AFF1: variants seen among roughly 807,000 people sequenced by gnomAD.
AFF1 encodes the protein ALF transcription elongation factor 1, also known as AF4/FMR2 family member 1.
Under a neutral mutation model 121.7 loss-of-function variants are expected in AFF1, and 48 were observed. That is an observed-to-expected ratio of 0.39 (90% CI 0.31 to 0.50). AFF1 has a LOEUF of 0.50. AFF1 is among the 20% of genes least tolerant of loss of function. The pLI is 0.76. For missense variants in AFF1, 1,523 were observed against 1,511.7 expected, an observed-to-expected ratio of 1.01 and a Z score of -0.12; for synonymous variants, 613 against 563.0, an observed-to-expected ratio of 1.09 and a Z score of -1.26.
intron 12 of AFF1, among the ~76,000 whole-genome samples, chr4:87,116,831 G>GGTGTGT (rs70957208): frequency 6.6e-6 from 1 of 151,064 alleles, no homozygotes; most frequent in African/African-American, 2.4e-5. Context: ...GATGGGGTGG[G>GGTGTGT]GTGTGTGTGT....
chr4:87,078,180 T>C (rs1169460959), intron 4 of AFF1, among the ~76,000 whole-genome samples: 1 of 152,232 alleles, frequency 6.6e-6, no homozygotes, highest in African/African-American at 2.4e-5. Flanking sequence ...AAGTAGTTTC[T>C]CAGTAGTTGT....
intron 4 of AFF1, among the ~76,000 whole-genome samples, chr4:87,071,825 A>T (rs1393164354): frequency 6.6e-6 from 1 of 152,152 alleles, no homozygotes; most frequent in Non-Finnish European, 1.5e-5. Context: ...AAAAGTATGG[A>T]GGGAAAGGGA....
intron 1 of AFF1, among the ~76,000 whole-genome samples, chr4:86,938,926 A>G (rs1209250508): frequency 6.6e-6 from 1 of 152,276 alleles, no homozygotes; most frequent in Non-Finnish European, 1.5e-5. Context: ...CATTTTAAAC[A>G]TGACTAAGGA....
chr4:87,115,226 C>T lies in AFF1; in HGVS notation c.2393C>T (p.Pro798Leu), dbSNP rs142319329. The T allele has an allele frequency of 5.0e-4, 815 of 1,614,138 alleles. 2 individuals carry two copies. The highest frequency in any genetic ancestry group is 3.3e-3 in the Middle Eastern group (20 of 6,062). Residue 798 changes from proline to leucine, a missense_variant, in exon 12 of 21, where the codon CCG becomes CTG. Physicochemically the swap from Pro to Leu is moderately conservative, Grantham distance 98. Coordinates refer to ENST00000395146, the MANE Select transcript of AFF1 (RefSeq NM_001166693.3). ...SRQRKAEDKQ[P>L]PAGKKHSSEK... ...CAGAGGAAAGCAGAAGATAAACAGC[C>T]GCCCGCAGGGAAGAAGCACAGCTCT...
At position 86,995,548 on chromosome 4, in the gene AFF1, G is replaced by A. The variant is rs1362589767; in HGVS notation, c.38+46977G>A. Among the ~76,000 whole-genome samples the A allele has an allele frequency of 9.3e-5, 14 of 150,334 alleles. No homozygotes were observed. In the South Asian group the frequency reaches 1.1e-3, roughly 11 times the overall value. On this transcript the variant is annotated intron_variant, in intron 2 of 20. Coordinates refer to ENST00000395146, the MANE Select transcript of AFF1 (RefSeq NM_001166693.3). ...GGGCTGGTCTCCAGCTCCTAACCTC[G>A]AGTGATCCGCCAGCCTCGGCCTCCC...
At chr4:87,077,174 T>G (rs1722750347) in intron 4 of AFF1, among the ~76,000 whole-genome samples, 1 of 152,220 alleles carries the variant, frequency 6.6e-6, no homozygotes, top group Non-Finnish European at 1.5e-5. Context: ...TTCAATAACT[T>G]TCTAGTCTAG....
chr4:87,039,247 A>T (rs1347754925), intron 2 of AFF1, among the ~76,000 whole-genome samples: 1 of 152,172 alleles, frequency 6.6e-6, no homozygotes, highest in African/African-American at 2.4e-5. Context: ...CAGAGTTGTG[A>T]TTTCTTACAT....
At chr4:87,039,957 A>G (rs1729956761) in intron 2 of AFF1, among the ~76,000 whole-genome samples, 1 of 152,118 alleles carries the variant, frequency 6.6e-6, no homozygotes, top group African/African-American at 2.4e-5. Flanking sequence ...GTTGAAGTGC[A>G]GTGGCGCGAT....
intron 2 of AFF1, among the ~76,000 whole-genome samples, chr4:86,954,803 T>A (rs72667736): frequency 0.15 from 22,220 of 152,194 alleles, 2,096 homozygotes; most frequent in East Asian, 0.31. Context: ...TTCATTCTCA[T>A]CCTCTTTATG....
At chr4:87,031,454 T>C (rs1405031966) in intron 2 of AFF1, among the ~76,000 whole-genome samples, 2 of 151,220 alleles carry the variant, frequency 1.3e-5, no homozygotes, top group African/African-American at 4.9e-5. Flanking sequence ...TTTTTTTTTC[T>C]TTTGTTCCTC....
intron 1 of AFF1, among the ~76,000 whole-genome samples, chr4:86,937,859 GCCT>G (rs1339369383): frequency 2.0e-5 from 3 of 152,216 alleles, no homozygotes; most frequent in South Asian, 4.1e-4. Context: ...TCCCACTTTT[GCCT>G]CCTCAAGTGC....
intron 2 of AFF1, among the ~76,000 whole-genome samples, chr4:87,022,299 T>G (rs1345007349): frequency 2.0e-5 from 3 of 151,754 alleles, no homozygotes; most frequent in African/African-American, 7.3e-5. Context: ...AGGTGTTATT[T>G]TATACATTGT....
intron 2 of AFF1, among the ~76,000 whole-genome samples, chr4:87,030,655 T>C (rs1274403708): frequency 6.6e-6 from 1 of 152,134 alleles, no homozygotes; most frequent in African/African-American, 2.4e-5. Flanking sequence ...ACTGAGCTTT[T>C]TTTTTTTTCT....
At chr4:87,134,997 G>A (rs1232325384) in intron 20 of AFF1, among the ~76,000 whole-genome samples, 1 of 152,204 alleles carries the variant, frequency 6.6e-6, no homozygotes, top group Non-Finnish European at 1.5e-5. Context: ...CTAGCTGAAA[G>A]GCAGGGCAAA....
chr4:87,042,766 G>T (rs1730287944), intron 2 of AFF1, among the ~76,000 whole-genome samples: 1 of 152,206 alleles, frequency 6.6e-6, no homozygotes, highest in Non-Finnish European at 1.5e-5. Context: ...CCCTGTGGGA[G>T]AATTCTTGAT....
intron 2 of AFF1, among the ~76,000 whole-genome samples, chr4:87,041,594 T>C (rs569919118): frequency 2.0e-5 from 3 of 152,292 alleles, no homozygotes; most frequent in African/African-American, 7.2e-5. Context: ...TAACTCACTA[T>C]ATTCTATTCG....
At chr4:86,968,769 CA>C (rs538882747) in intron 2 of AFF1, among the ~76,000 whole-genome samples, 6 of 152,296 alleles carry the variant, frequency 3.9e-5, no homozygotes, top group Admixed American at 2.0e-4. Flanking sequence ...TGGAGGGTCT[CA>C]GGGGGACCCT....
intron 7 of AFF1, among the ~76,000 whole-genome samples, chr4:87,093,222 G>A (rs139645534): frequency 6.6e-6 from 1 of 152,236 alleles, no homozygotes; most frequent in East Asian, 1.9e-4. Flanking sequence ...ACATTGGTGG[G>A]TCTCCTGGAG....
intron 4 of AFF1, among the ~76,000 whole-genome samples, chr4:87,081,864 C>T (rs779239508): frequency 2.0e-5 from 3 of 152,108 alleles, no homozygotes; most frequent in Non-Finnish European, 4.4e-5. Flanking sequence ...AAAATAAGCT[C>T]TCAAAATTTC....
Sources: gnomAD v4.1 joint callset for allele counts (sites outside exome capture counted in the v4.1 genomes callset) on GRCh38, gnomAD v4.1.1 for gene constraint, MANE v1.5 for transcripts, NCBI Gene and HGNC (gene_info 2026-07-23, HGNC 2026-07-21) for gene names.